The following EPHX4 variants were observed in gnomAD, a reference collection of about 807,000 sequenced individuals.
The protein encoded by EPHX4 is epoxide hydrolase 4.
In EPHX4, 31 loss-of-function variants were observed where a neutral mutation model predicts 44.9. The observed-to-expected ratio is 0.69, with a 90% CI of 0.52 to 0.93. EPHX4 has a LOEUF of 0.93. EPHX4 is among the 40% of genes least tolerant of loss of function. The pLI, the probability that EPHX4 is intolerant of heterozygous loss-of-function variation, is 0.00. For synonymous variants in EPHX4, 151 were observed against 159.7 expected, an observed-to-expected ratio of 0.95 and a Z score of 0.41; for missense variants, 373 against 438.1, an observed-to-expected ratio of 0.85 and a Z score of 1.33.
At chr1:92,056,421 A>C (rs1647374144) in intron 6 of EPHX4, among the ~76,000 whole-genome samples, 1 of 152,166 alleles carries the variant, frequency 6.6e-6, no homozygotes, top group Non-Finnish European at 1.5e-5. Context: ...AACGTATAAC[A>C]AAACATCAAA....
At chr1:92,059,787 T>C (rs1647448928) in intron 6 of EPHX4, among the ~76,000 whole-genome samples, 1 of 152,036 alleles carries the variant, frequency 6.6e-6, no homozygotes, top group African/African-American at 2.4e-5. Context: ...CTTTATGCAT[T>C]ATCAAAATTT....
chr1:92,042,266 T>TCG (rs1171313181), intron 2 of EPHX4, among the ~76,000 whole-genome samples: 1 of 152,182 alleles, frequency 6.6e-6, no homozygotes, highest in Non-Finnish European at 1.5e-5. Flanking sequence ...ATGTAGTTTC[T>TCG]GTAAATAGTG....
chr1:92,058,832 G>A (rs554197417), intron 6 of EPHX4, among the ~76,000 whole-genome samples: 11 of 152,278 alleles, frequency 7.2e-5, no homozygotes, highest in Non-Finnish European at 1.5e-4. Flanking sequence ...GTATTACAAA[G>A]TAAGTAATAC....
chr1:92,030,485 T>TGTGTGTGTGTGTGTGAGAGA (rs1326928763), intron 1 of EPHX4, among the ~76,000 whole-genome samples, 175 bp downstream of exon 1: 13 of 138,718 alleles, frequency 9.4e-5, no homozygotes, highest in African/African-American at 3.3e-4. Flanking sequence ...TGTGTGTGTG[T>TGTGTGTGTGTGTGTGAGAGA]GAGAGAGAGA....
In EPHX4 at chr1:92,038,950, C is replaced by T. The variant is rs769837192; in HGVS notation, c.318-3873C>T. On this transcript the variant is annotated intron_variant, in intron 2 of 6. Coordinates refer to ENST00000370383, the MANE Select transcript of EPHX4 (RefSeq NM_173567.5). ...GGTACTTCAATTAACCTTGCTTTCCCTCCATTTCTTCATCTGTTAAGTGAA... is the reference window on the plus strand; with the variant it reads ...GGTACTTCAATTAACCTTGCTTTCCTTCCATTTCTTCATCTGTTAAGTGAA... Among the ~76,000 whole-genome samples the T allele has an allele frequency of 3.7e-4, 56 of 152,304 alleles. 1 individual carries two copies. Among genetic ancestry groups the T allele is most frequent in the Non-Finnish European group, 4.7e-4 (32 of 68,016 alleles).
intron 6 of EPHX4, among the ~76,000 whole-genome samples, chr1:92,059,998 G>A (rs1647460528): frequency 7.3e-6 from 1 of 137,406 alleles, no homozygotes; most frequent in African/African-American, 2.7e-5. Context: ...ACAGGTATGA[G>A]CCACCCTGCC....
intron 6 of EPHX4, among the ~76,000 whole-genome samples, chr1:92,055,046 T>G (rs1647333301): frequency 6.6e-6 from 1 of 152,098 alleles, no homozygotes; most frequent in Non-Finnish European, 1.5e-5. Context: ...AGTATTATTT[T>G]CAAACCAGTA....
intron 6 of EPHX4, among the ~76,000 whole-genome samples, chr1:92,062,804 C>A (rs1040198968): frequency 6.6e-6 from 1 of 151,980 alleles, no homozygotes; most frequent in East Asian, 1.9e-4. Flanking sequence ...CCTAAGGAGC[C>A]TTTTTAGACT....
At chr1:92,038,576 C>T (rs1219518575) in intron 2 of EPHX4, among the ~76,000 whole-genome samples, 1 of 152,060 alleles carries the variant, frequency 6.6e-6, no homozygotes, top group African/African-American at 2.4e-5. Flanking sequence ...TGAGGTGTGC[C>T]CCAGCCCTGA....
chr1:92,054,199 A>G (rs925312681), intron 6 of EPHX4, among the ~76,000 whole-genome samples: 6 of 152,212 alleles, frequency 3.9e-5, no homozygotes, highest in African/African-American at 1.4e-4. Flanking sequence ...TTCCCCAGGA[A>G]GCCTGGCAGA....
rs1688597100 is a variant in EPHX4, at chr1:92,047,391, C to G, written c.604+1731C>G. Among the ~76,000 whole-genome samples the G allele has an allele frequency of 2.0e-5, 3 of 149,028 alleles. No homozygotes were observed. The South Asian group carries it at 6.3e-4, about 31-fold the overall frequency. ...GCCAGCTGAGGGTGGCAAAGTGAGACCCTGTCTCAAAAAAAAAAAAAAGCA... is the reference window on the plus strand; with the variant it reads ...GCCAGCTGAGGGTGGCAAAGTGAGAGCCTGTCTCAAAAAAAAAAAAAAGCA... On this transcript the variant is annotated intron_variant, in intron 4 of 6. Coordinates refer to ENST00000370383, the MANE Select transcript of EPHX4 (RefSeq NM_173567.5).
chr1:92,050,599 C>T (rs1328033000), intron 5 of EPHX4, among the ~76,000 whole-genome samples, 179 bp downstream of exon 5: 1 of 151,862 alleles, frequency 6.6e-6, no homozygotes, highest in Non-Finnish European at 1.5e-5. Context: ...TATTTAAATA[C>T]CTGGCTGTTC....
intron 6 of EPHX4, among the ~76,000 whole-genome samples, chr1:92,054,410 G>A (rs373237383): frequency 1.6e-4 from 24 of 152,100 alleles, no homozygotes; most frequent in African/African-American, 4.1e-4. Flanking sequence ...CCAACATGGC[G>A]AAACCCTGTC....
chr1:92,046,762 A>G (rs1688588649), intron 4 of EPHX4, among the ~76,000 whole-genome samples: 2 of 152,148 alleles, frequency 1.3e-5, no homozygotes, highest in Admixed American at 6.5e-5. Flanking sequence ...GCGCCCTGCC[A>G]ATGGTTTCTT....
rs1490134335 is a variant in EPHX4, at chr1:92,030,323, GC to G, written c.231+14del. ...CGTGCGGATCAAGGTGAAGGGCCGC[GC>G]GGGCCTGGCGGGAGCGGGAGGGAGC... On this transcript the variant is annotated intron_variant, in intron 1 of 6. Transcript: ENST00000370383. 1.3e-6 allele frequency: 2 copies of G among 1,499,012 alleles called. No individual in the cohort carries two copies. Among genetic ancestry groups the G allele is most frequent in the Non-Finnish European group, 1.8e-6 (2 of 1,124,350 alleles). The allele number at this position is 1,499,012 out of a possible 1,614,324, so 92.9% of individuals were successfully genotyped here. A position where few individuals can be genotyped will look rare whatever the true frequency, so the allele number is the denominator to read the frequency against.
chr1:92,044,955 C>T (rs1301035646), intron 3 of EPHX4, among the ~76,000 whole-genome samples: 1 of 151,950 alleles, frequency 6.6e-6, no homozygotes, highest in Non-Finnish European at 1.5e-5. Context: ...TGTACCCCCC[C>T]ACACTTTTTT....
At chr1:92,037,045 T>C (rs1439171343) in intron 2 of EPHX4, among the ~76,000 whole-genome samples, 1 of 152,188 alleles carries the variant, frequency 6.6e-6, no homozygotes, top group Non-Finnish European at 1.5e-5. Flanking sequence ...ATTTTTTTCA[T>C]TTTAAAGGCC....
rs200436269 is a variant in EPHX4 at position 92,043,029 on chromosome 1, A to G, written c.475+49A>G. ...ACTCTTTTTAAGGGACAAACATTCA[A>G]CAAATTGTGAATCAATGACTTCTTT... On this transcript the variant is annotated intron_variant, in intron 3 of 6. Transcript: ENST00000370383. 27 of 1,408,754 alleles carry G rather than the reference A, an allele frequency of 1.9e-5. No homozygotes were observed. In the African/African-American group the frequency reaches 3.7e-4, roughly 19 times the overall value. The allele number at this position is 1,408,754 out of a possible 1,614,324, so 87.3% of individuals were successfully genotyped here. A position where few individuals can be genotyped will look rare whatever the true frequency, so the allele number is the denominator to read the frequency against.
chr1:92,037,564 G>A (rs1192960155), intron 2 of EPHX4, among the ~76,000 whole-genome samples: 1 of 152,018 alleles, frequency 6.6e-6, no homozygotes, highest in East Asian at 1.9e-4. Context: ...AGTCGTCTTC[G>A]TCTCCAGCTA....
Sources: gnomAD v4.1 joint callset for allele counts (sites outside exome capture counted in the v4.1 genomes callset) on GRCh38, gnomAD v4.1.1 for gene constraint, MANE v1.5 for transcripts, NCBI Gene and HGNC (gene_info 2026-07-23, HGNC 2026-07-21) for gene names.